The following PRKN variants were observed in gnomAD, a reference collection of about 807,000 sequenced individuals.
The protein encoded by PRKN is E3 ubiquitin-protein ligase parkin.
In PRKN, 56 loss-of-function variants were observed where a neutral mutation model predicts 59.5. The ratio of observed to expected loss-of-function variants is 0.94; its 90% CI spans 0.76 to 1.18. The LOEUF (loss-of-function observed/expected upper bound fraction) is 1.18. Among genes scored for constraint, PRKN ranks in the 50% most tolerant of loss-of-function variants. The pLI, the probability that PRKN is intolerant of heterozygous loss-of-function variation, is 0.00. For synonymous variants in PRKN, 250 were observed against 222.1 expected (o/e 1.13, Z -1.12); for missense variants, 657 against 596.4 (o/e 1.10, Z -1.06).
intron 1 of PRKN, among the ~76,000 whole-genome samples, chr6:162,444,667 G>A (rs1468113379): frequency 6.6e-6 from 1 of 151,980 alleles, no homozygotes; most frequent in Non-Finnish European, 1.5e-5. Context: ...CCTTATTCAG[G>A]GCACCAGTGG....
chr6:161,513,753 T>C (rs1019224233), intron 9 of PRKN, among the ~76,000 whole-genome samples: 2 of 152,090 alleles, frequency 1.3e-5, no homozygotes, highest in Non-Finnish European at 2.9e-5. Flanking sequence ...AGACATCTCA[T>C]GAGAAGGCGG....
chr6:161,954,022 T>C (rs1483829796), intron 6 of PRKN, among the ~76,000 whole-genome samples: 1 of 152,154 alleles, frequency 6.6e-6, no homozygotes, highest in African/African-American at 2.4e-5. Context: ...ACACTAATAG[T>C]ATCTACCTCC....
intron 2 of PRKN, among the ~76,000 whole-genome samples, chr6:162,397,385 A>G (rs181539750): frequency 1.2e-3 from 180 of 152,090 alleles, no homozygotes; most frequent in Non-Finnish European, 2.2e-3. Flanking sequence ...TAATCCAACA[A>G]TCTCTCTTTT....
chr6:162,180,494 T>A (rs1411028268), intron 4 of PRKN, among the ~76,000 whole-genome samples: 1 of 152,108 alleles, frequency 6.6e-6, no homozygotes, highest in Non-Finnish European at 1.5e-5. Context: ...AACATATGTG[T>A]TTACAGTCTC....
chr6:162,568,452 C>T, intron 1 of PRKN: 1 of 624,450 alleles, frequency 1.6e-6, no homozygotes, highest in Non-Finnish European at 2.9e-6. Flanking sequence ...CGGGGGTGGC[C>T]TGGGTGGAGG....
intron 4 of PRKN, among the ~76,000 whole-genome samples, chr6:162,102,098 G>A (rs1262496505): frequency 5.9e-5 from 9 of 152,274 alleles, no homozygotes; most frequent in African/African-American, 1.7e-4. Flanking sequence ...ATAGGTAAAC[G>A]TGTGCCACGG....
chr6:161,551,297 G>A lies in PRKN; in HGVS notation c.934-2294C>T, dbSNP rs1459958700. 2.6e-5 allele frequency among the ~76,000 whole-genome samples: 4 copies of A among 152,160 alleles called. No individual in the cohort carries two copies. The highest frequency in any genetic ancestry group is 9.7e-5 in the African/African-American group (4 of 41,430). Reference sequence around the variant, plus strand: ...GAAGGACCTGGGGAGGCGCGCTGGCGACCTGAACGTCTCCAGGTCCTGCCT... The same window carrying A: ...GAAGGACCTGGGGAGGCGCGCTGGCAACCTGAACGTCTCCAGGTCCTGCCT... On this transcript the variant is annotated intron_variant, in intron 8 of 11. Transcript: ENST00000366898. This position sits in a 1 kb window ranked among gnomAD's most constrained non-coding sequence, Gnocchi z 5.2.
At chr6:162,580,736 T>C (rs1780758353) in intron 1 of PRKN, among the ~76,000 whole-genome samples, 1 of 152,184 alleles carries the variant, frequency 6.6e-6, no homozygotes, top group East Asian at 1.9e-4. Flanking sequence ...TGAGCTACAC[T>C]GTTTATATGT....
At chr6:161,771,355 C>CAAAA (rs1208813487) in intron 7 of PRKN, among the ~76,000 whole-genome samples, 3 of 20,708 alleles carry the variant, frequency 1.4e-4, no homozygotes, top group Non-Finnish European at 5.3e-4. Flanking sequence ...GACTCCACCT[C>CAAAA]AAAAAAAAAA....
intron 2 of PRKN, chr6:162,269,717 A>G (rs1311110192): frequency 6.6e-6 from 1 of 152,216 alleles, no homozygotes; most frequent in African/African-American, 2.4e-5. Context: ...CTATTTCCTC[A>G]TACAAAATGC....
intron 1 of PRKN, among the ~76,000 whole-genome samples, chr6:162,583,701 T>A (rs36113695): frequency 0.1 from 15,551 of 152,178 alleles, 926 homozygotes; most frequent in Middle Eastern, 0.19. Context: ...GTAGCGAGAC[T>A]CATAAACTCT....
chr6:161,424,981 CACTT>C (rs1396674381), intron 9 of PRKN, among the ~76,000 whole-genome samples: 1 of 152,136 alleles, frequency 6.6e-6, no homozygotes, highest in African/African-American at 2.4e-5. Context: ...TGTTCAGAAA[CACTT>C]AAGAAAGTAC....
chr6:161,399,288 C>G lies in PRKN; in HGVS notation c.1084-12411G>C, dbSNP rs911545637. 6.6e-6 allele frequency among the ~76,000 whole-genome samples: 1 copy of G among 152,142 alleles called. No homozygotes were observed. Among genetic ancestry groups the G allele is most frequent in the Non-Finnish European group, 1.5e-5 (1 of 68,028 alleles). Reference sequence around the variant, plus strand: ...TGACCTGATTTTTCTGGATGCCAGACAAGAACTTGGAATATGGAAAGCTGT... The same window carrying G: ...TGACCTGATTTTTCTGGATGCCAGAGAAGAACTTGGAATATGGAAAGCTGT... On this transcript the variant is annotated intron_variant, in intron 9 of 11. Transcript: ENST00000366898. This position sits in a 1 kb window ranked among gnomAD's most constrained non-coding sequence, Gnocchi z 4.4.
At chr6:161,738,115 A>T (rs1444875458) in intron 7 of PRKN, among the ~76,000 whole-genome samples, 12 of 152,216 alleles carry the variant, frequency 7.9e-5, no homozygotes, top group Non-Finnish European at 1.2e-4. Flanking sequence ...TTTCTTAAAA[A>T]TGCAGATGAT....
intron 1 of PRKN, among the ~76,000 whole-genome samples, chr6:162,544,813 G>C (rs886920753): frequency 2.0e-5 from 3 of 150,146 alleles, no homozygotes; most frequent in East Asian, 4.0e-4. Context: ...GAGTAGCTGG[G>C]ATTACAGGCA....
rs1562537901 is a variant in PRKN, at chr6:161,578,293, AAT to A, written c.872-8879_872-8878del. Among the ~76,000 whole-genome samples, 1 of 152,166 alleles carries A rather than the reference AAT, an allele frequency of 6.6e-6. No individual in the cohort carries two copies. Among genetic ancestry groups the A allele is most frequent in the Admixed American group, 6.5e-5 (1 of 15,278 alleles). ...CTGAGAACTGAGACCACTGAGACCT[AAT>A]TATTTGTTCCAGAAGAATTCTGCCC... On this transcript the variant is annotated intron_variant, in intron 7 of 11. Coordinates refer to ENST00000366898, the MANE Select transcript of PRKN (RefSeq NM_004562.3). This position sits in a 1 kb window ranked among gnomAD's most constrained non-coding sequence, Gnocchi z 4.2.
rs1165529729 is a variant in PRKN at position 161,347,880 on chromosome 6, T to G, written c.*2219A>C. ...ATCCACCCACCTCGGCCTCCCAAAG[T>G]GCTGGGATTACAGGCATGAGCCACC... On this transcript the variant is annotated 3_prime_UTR_variant, in exon 12 of 12. Transcript: ENST00000366898. 1 of 155,350 alleles carries G rather than the reference T, an allele frequency of 6.4e-6. No homozygotes were observed. The highest frequency in any genetic ancestry group is 2.4e-5 in the African/African-American group (1 of 41,394). 9.6% of individuals were successfully genotyped at this position (155,350 alleles called of 1,614,324 possible). A position where few individuals can be genotyped will look rare whatever the true frequency, so the allele number is the denominator to read the frequency against.
At chr6:162,122,070 A>G (rs1488441239) in intron 4 of PRKN, among the ~76,000 whole-genome samples, 1 of 152,216 alleles carries the variant, frequency 6.6e-6, no homozygotes, top group East Asian at 1.9e-4. Context: ...GTGTGAAGAT[A>G]TCTGCACTCC....
At chr6:161,984,318 C>T (rs766582030) in intron 5 of PRKN, among the ~76,000 whole-genome samples, 11 of 152,092 alleles carry the variant, frequency 7.2e-5, no homozygotes, top group African/African-American at 1.7e-4. Flanking sequence ...AGTGCAGAGG[C>T]GTGACCTTGG....
Sources: allele counts gnomAD v4.1 joint callset (sites outside exome capture counted in the v4.1 genomes callset), GRCh38; gene constraint gnomAD v4.1.1; non-coding constraint Gnocchi (gnomAD v3.1); transcripts MANE v1.5; gene names NCBI Gene and HGNC (gene_info 2026-07-23, HGNC 2026-07-21).